GPM6A: variants seen among roughly 807,000 people sequenced by gnomAD.
The protein encoded by GPM6A is neuronal membrane glycoprotein M6-a.
Under a neutral mutation model 32.1 loss-of-function variants are expected in GPM6A, and 7 were observed. The observed-to-expected ratio is 0.22, with a 90% CI of 0.12 to 0.41. The LOEUF (loss-of-function observed/expected upper bound fraction) is 0.41, where lower values mean the gene tolerates loss of function less well. Ranked by LOEUF, GPM6A falls within the 10% of genes least tolerant of loss-of-function variation. The pLI is 1.00. For missense variants in GPM6A, 235 were observed against 347.2 expected (o/e 0.68, Z 2.57); for synonymous variants, 130 against 123.4 (o/e 1.05, Z -0.35).
At chr4:175,649,548 A>G (rs1256921975) in intron 4 of GPM6A, among the ~76,000 whole-genome samples, 1 of 152,186 alleles carries the variant, frequency 6.6e-6, no homozygotes, top group African/African-American at 2.4e-5. Flanking sequence ...CACCTACTTA[A>G]CTATTTGCAT....
intron 1 of GPM6A, among the ~76,000 whole-genome samples, chr4:175,974,161 T>C (rs1740589812): frequency 6.6e-6 from 1 of 151,970 alleles, no homozygotes; most frequent in South Asian, 2.1e-4. Flanking sequence ...ACCTGTGAAG[T>C]GGAGGTTGCA....
intron 2 of GPM6A, among the ~76,000 whole-genome samples, chr4:175,687,307 C>T (rs1243048112): frequency 6.6e-6 from 1 of 152,158 alleles, no homozygotes; most frequent in Non-Finnish European, 1.5e-5. Context: ...AAACTCCACA[C>T]TCATTGAACA....
At chr4:175,933,015 T>C (rs1739100284) in intron 1 of GPM6A, among the ~76,000 whole-genome samples, 1 of 151,886 alleles carries the variant, frequency 6.6e-6, no homozygotes, top group African/African-American at 2.4e-5. Flanking sequence ...AAATTGTCAG[T>C]CTATAAAAAA....
At chr4:175,907,117 C>T (rs1738156483) in intron 1 of GPM6A, 1 of 152,154 alleles carries the variant, frequency 6.6e-6, no homozygotes, top group African/African-American at 2.4e-5. Flanking sequence ...ACCATGGTAG[C>T]TTTCTGGCTG....
chr4:175,709,457 C>T (rs1449409142), intron 1 of GPM6A, among the ~76,000 whole-genome samples: 2 of 152,030 alleles, frequency 1.3e-5, no homozygotes, highest in African/African-American at 2.4e-5. Flanking sequence ...AGGCTGGTCA[C>T]GGTGGCTCAA....
intron 1 of GPM6A, among the ~76,000 whole-genome samples, chr4:175,938,715 A>G (rs1160874961): frequency 1.4e-5 from 2 of 143,386 alleles, no homozygotes. Context: ...AAAGTAAAAT[A>G]AAAATTTTTT....
At chr4:175,741,942 T>G (rs1010240669) in intron 1 of GPM6A, among the ~76,000 whole-genome samples, 1 of 152,072 alleles carries the variant, frequency 6.6e-6, no homozygotes, top group Non-Finnish European at 1.5e-5. Context: ...GAGTCAAAGC[T>G]ACGCATTTAT....
At chr4:175,678,583 T>G (rs577873762) in intron 2 of GPM6A, among the ~76,000 whole-genome samples, 1 of 152,168 alleles carries the variant, frequency 6.6e-6, no homozygotes, top group Non-Finnish European at 1.5e-5. Context: ...GTAATGGTAA[T>G]GTCCCAGAGC....
intron 1 of GPM6A, among the ~76,000 whole-genome samples, chr4:175,920,422 A>G (rs1038344073): frequency 2.6e-5 from 4 of 152,234 alleles, no homozygotes; most frequent in Non-Finnish European, 5.9e-5. Flanking sequence ...CCATGCATAC[A>G]GCAAGCACTC....
chr4:175,842,240 C>T (rs908953981), intron 1 of GPM6A, among the ~76,000 whole-genome samples: 1 of 152,040 alleles, frequency 6.6e-6, no homozygotes, highest in Non-Finnish European at 1.5e-5. Flanking sequence ...GCAAATTTAG[C>T]ATTAACGTAT....
intron 1 of GPM6A, among the ~76,000 whole-genome samples, chr4:175,983,247 G>C (rs2126445832): frequency 6.6e-6 from 1 of 152,288 alleles, no homozygotes; most frequent in Non-Finnish European, 1.5e-5. Context: ...GTATCAGACA[G>C]ATACATAGAA....
intron 2 of GPM6A, among the ~76,000 whole-genome samples, chr4:175,691,955 G>A (rs1344839519): frequency 6.6e-6 from 1 of 152,156 alleles, no homozygotes; most frequent in African/African-American, 2.4e-5. Flanking sequence ...AGGGATGCAG[G>A]TGGCCTCTGG....
At chr4:175,708,125 C>T (rs1044407694) in intron 1 of GPM6A, among the ~76,000 whole-genome samples, 2 of 152,128 alleles carry the variant, frequency 1.3e-5, no homozygotes, top group African/African-American at 2.4e-5. Flanking sequence ...CAATGAAAAT[C>T]TCTGCTTTCA....
intron 1 of GPM6A, among the ~76,000 whole-genome samples, chr4:175,727,614 T>C (rs1482538986): frequency 2.0e-5 from 3 of 152,202 alleles, no homozygotes; most frequent in South Asian, 2.1e-4. Flanking sequence ...TGTCTCATAG[T>C]TAACTGATTA....
intron 1 of GPM6A, among the ~76,000 whole-genome samples, chr4:175,877,325 A>C (rs932870424): frequency 2.0e-5 from 3 of 152,204 alleles, no homozygotes; most frequent in African/African-American, 7.2e-5. Flanking sequence ...CAAGGACAGC[A>C]AGTCTGTTAC....
intron 1 of GPM6A, among the ~76,000 whole-genome samples, chr4:175,886,984 G>C (rs1323223344): frequency 3.3e-5 from 5 of 152,012 alleles, no homozygotes; most frequent in Admixed American, 3.3e-4. Context: ...AAAGTTGATA[G>C]CTAATTTAAT....
chr4:175,771,116 A>T (rs1251974792), intron 1 of GPM6A, among the ~76,000 whole-genome samples: 1 of 151,730 alleles, frequency 6.6e-6, no homozygotes, highest in Non-Finnish European at 1.5e-5. Flanking sequence ...AACCTATCTC[A>T]CCTTCATTAT....
chr4:175,945,359 A>G (rs899911618), intron 1 of GPM6A, among the ~76,000 whole-genome samples: 5 of 152,166 alleles, frequency 3.3e-5, no homozygotes, highest in African/African-American at 9.6e-5. Flanking sequence ...TTTCCATAGT[A>G]GAGTTTCTCT....
At chr4:175,895,244 G>A (rs746318505) in intron 1 of GPM6A, among the ~76,000 whole-genome samples, 7 of 151,982 alleles carry the variant, frequency 4.6e-5, no homozygotes, top group African/African-American at 9.7e-5. Flanking sequence ...GCTCTGTTTG[G>A]TAAGCTTCTA....
Sources: gnomAD v4.1 joint callset for allele counts (sites outside exome capture counted in the v4.1 genomes callset) on GRCh38, gnomAD v4.1.1 for gene constraint, MANE v1.5 for transcripts, NCBI Gene and HGNC (gene_info 2026-07-23, HGNC 2026-07-21) for gene names.